The following OPN4 variants were observed in gnomAD, a reference collection of about 807,000 sequenced individuals.
OPN4 encodes melanopsin.
A neutral mutation model predicts 49.5 loss-of-function variants in OPN4; 43 were observed. That is an observed-to-expected ratio of 0.87 (90% confidence interval 0.68 to 1.12). The LOEUF (loss-of-function observed/expected upper bound fraction) is 1.12, where lower values mean the gene tolerates loss of function less well. Among genes scored for constraint, OPN4 ranks in the 50% most tolerant of loss-of-function variants. OPN4 has a pLI of 0.00. For missense variants in OPN4, 657 were observed against 643.9 expected (o/e 1.02, Z -0.22); for synonymous variants, 263 against 258.0 (o/e 1.02, Z -0.19).
chr10:86,661,383 G>C lies in OPN4; in HGVS notation c.1068G>C (p.Lys356Asn). ...NPIIYAITHP[K>N]YRVAIAQHLP... Reference sequence around the variant, plus strand: ...TCATTTACGCCATCACCCACCCCAAGTACAGGTGTGGCTCTTTTCCAGAAC... The same window carrying C: ...TCATTTACGCCATCACCCACCCCAACTACAGGTGTGGCTCTTTTCCAGAAC... The change falls in exon 7 of 10, where the codon AAG (lysine) becomes AAC (asparagine). Residue 356 changes from lysine to asparagine, a missense_variant. By Grantham distance (94) the Lys-to-Asn change is moderately conservative (BLOSUM62 0). Coordinates refer to ENST00000241891, the MANE Select transcript of OPN4 (RefSeq NM_033282.4). 1.2e-6 allele frequency: 2 copies of C among 1,612,784 alleles called. No individual in the cohort carries two copies. Among genetic ancestry groups the C allele is most frequent in the Middle Eastern group, 3.3e-4 (2 of 6,058 alleles).
At chr10:86,662,159 G>A (rs768712809) in intron 7 of OPN4, 93 bp from the exon 8 acceptor site, 121 of 1,093,118 alleles carry the variant, frequency 1.1e-4, no homozygotes, top group Middle Eastern at 9.2e-4. Context: ...CTCGGTCACC[G>A]CACATTAGGC....
At chr10:86,663,566 TG>T in intron 8 of OPN4, 92 bp from the exon 9 acceptor site, 1 of 1,211,488 alleles carries the variant, frequency 8.3e-7, no homozygotes, top group East Asian at 2.8e-5. Flanking sequence ...GAATACCTGT[TG>T]GGAGGATGAA....
At chr10:86,654,977 C>G (rs1843832050) in intron 1 of OPN4, 50 bp downstream of exon 1, 4 of 1,570,772 alleles carry the variant, frequency 2.5e-6, no homozygotes, top group East Asian at 4.5e-5. Flanking sequence ...TGACCCCTTC[C>G]TGGTCCCCTC....
Position 86,654,837 on chromosome 10 carries a change from C to G in OPN4, c.54C>G (p.Ser18Arg). The G allele has an allele frequency of 1.9e-6, 3 of 1,613,582 alleles. No homozygotes were observed. In the South Asian group the frequency reaches 3.3e-5, roughly 18 times the overall value. ...CGCCCAGCCCAACCCAAGAGCCCAG[C>G]TGCATGGCCACCCCAGCACCACCCA... ...RVPPSPTQEP[S>R]CMATPAPPSW... The change falls in exon 1 of 10, where the codon AGC becomes AGG. Residue 18 changes from serine (S) to arginine (R), a missense_variant. By Grantham distance (110) the Ser-to-Arg change is moderately radical. Transcript: ENST00000241891.
At chr10:86,657,462 G>A (rs138922018) in intron 2 of OPN4, among the ~76,000 whole-genome samples, 1 of 152,168 alleles carries the variant, frequency 6.6e-6, no homozygotes, top group Non-Finnish European at 1.5e-5. Flanking sequence ...CAAGCATGAG[G>A]ATTACAGAGA....
At chr10:86,655,069 T>C in intron 1 of OPN4, 142 bp downstream of exon 1, 3 of 801,790 alleles carry the variant, frequency 3.7e-6, no homozygotes, top group African/African-American at 1.7e-5. Context: ...ACTGGACCTC[T>C]CTGAGCCCGC....
intron 9 of OPN4, chr10:86,664,119 G>A (rs1174230891): frequency 7.4e-6 from 2 of 268,792 alleles, no homozygotes; most frequent in African/African-American, 2.2e-5. Flanking sequence ...AGGGTAGGAG[G>A]TCTGCAGCCG....
chr10:86,661,207 G>A, intron 6 of OPN4, 74 bp from the exon 7 acceptor site: 1 of 1,246,150 alleles, frequency 8.0e-7, no homozygotes, highest in Non-Finnish European at 1.2e-6. Context: ...TTGGGCTTTG[G>A]CAGGGCCTGG....
Position 86,656,318 on chromosome 10 carries a change from C to G in OPN4, c.290+18C>G. On this transcript the variant is annotated intron_variant, in intron 2 of 9. Transcript: ENST00000241891. ...TTCTGCAGGTGCCTGGTTGGTGGTGCTGGGCCCAGGGCACTGAGGGTGGCA... is the reference window on the plus strand; with the variant it reads ...TTCTGCAGGTGCCTGGTTGGTGGTGGTGGGCCCAGGGCACTGAGGGTGGCA... 6.3e-7 allele frequency: 1 copy of G among 1,582,324 alleles called. No individual in the cohort carries two copies. The highest frequency in any genetic ancestry group is 8.6e-7 in the Non-Finnish European group (1 of 1,162,960).
Position 86,654,809 on chromosome 10 carries a change from T to TGCCCC in OPN4, c.26_27insGCCCC (p.Ser12ArgfsTer67). The stretch of plus-strand genomic sequence containing the variant: ...ATGAACCCTCCTTCGGGGCCAAGAG[T>TGCCCC]CCCGCCCAGCCCAACCCAAGAGCCC... On this transcript the variant is annotated frameshift_variant, in exon 1 of 10. Transcript: ENST00000241891. LOFTEE classifies it high-confidence loss of function. 1 of 1,554,818 alleles carries TGCCCC rather than the reference T, an allele frequency of 6.4e-7. No individual in the cohort carries two copies. The highest frequency in any genetic ancestry group is 8.9e-7 in the Non-Finnish European group (1 of 1,128,762).
intron 9 of OPN4, among the ~76,000 whole-genome samples, chr10:86,664,676 C>T (rs1046224252): frequency 2.0e-5 from 3 of 152,214 alleles, no homozygotes; most frequent in Non-Finnish European, 4.4e-5. Flanking sequence ...TGCTGTGCCC[C>T]TGTGCATCCA....
chr10:86,656,751 C>A (rs1843876105), intron 2 of OPN4, among the ~76,000 whole-genome samples: 2 of 152,060 alleles, frequency 1.3e-5, no homozygotes, highest in Admixed American at 1.3e-4. Flanking sequence ...CGAGACCAGC[C>A]TGGCCAATGT....
rs994273641 is a variant in OPN4 at position 86,658,086 on chromosome 10, C to T, written c.345C>T (p.Ser115=). The T allele has an allele frequency of 6.8e-6, 11 of 1,613,940 alleles. No individual in the cohort carries two copies. Among genetic ancestry groups the T allele is most frequent in the Middle Eastern group, 1.7e-4 (1 of 6,002 alleles). The change falls in exon 3 of 10, where the codon AGC becomes AGT. Residue 115 remains serine (S), a synonymous_variant. Transcript: ENST00000241891. ...ANMFIINLAV[S]DFLMSFTQAP... is the part of the protein sequence containing the mutation. ...TGTTCATTATCAACCTCGCGGTCAGCGACTTCCTCATGTCCTTCACCCAGG... is the reference window on the plus strand; with the variant it reads ...TGTTCATTATCAACCTCGCGGTCAGTGACTTCCTCATGTCCTTCACCCAGG...
At chr10:86,664,987 G>A (rs997063081) in intron 9 of OPN4, among the ~76,000 whole-genome samples, 4 of 152,212 alleles carry the variant, frequency 2.6e-5, no homozygotes, top group Non-Finnish European at 5.9e-5. Flanking sequence ...AAGTCCCTGA[G>A]GTTCCCCAGG....
At position 86,659,411 on chromosome 10, in the gene OPN4, T is replaced by A; in HGVS notation, c.743T>A (p.Leu248Gln). 1 of 1,614,142 alleles carries A rather than the reference T, an allele frequency of 6.2e-7. No individual in the cohort carries two copies. The highest frequency in any genetic ancestry group is 8.5e-7 in the Non-Finnish European group (1 of 1,180,006). Residue 248 changes from leucine (L) to glutamine (Q), a missense_variant, in exon 5 of 10, where the codon CTG becomes CAG. Transcript: ENST00000241891. ...LLCCFVFFLP[L>Q]LIIIYCYIFI... ...TGCTGCTTCGTGTTCTTCCTCCCTC[T>A]GCTTATCATCATCTACTGCTACATC...
In OPN4 at chr10:86,654,696, A is replaced by G. The variant is rs2132297515; in HGVS notation, c.-88A>G. 1.3e-6 allele frequency: 2 copies of G among 1,532,408 alleles called. No homozygotes were observed. Among genetic ancestry groups the G allele is most frequent in the East Asian group, 2.3e-5 (1 of 43,694 alleles). 94.9% of individuals were successfully genotyped at this position (1,532,408 alleles called of 1,614,324 possible). A position where few individuals can be genotyped will look rare whatever the true frequency, so the allele number is the denominator to read the frequency against. ...AGCAGGGGTGCTGAGGATGGAGGAA[A>G]GTTGGGAGGCTGAGCACAGCTGAAG... is the stretch of plus-strand genomic sequence containing the variant. On this transcript the variant is annotated 5_prime_UTR_variant, in exon 1 of 10. Coordinates refer to ENST00000241891, the MANE Select transcript of OPN4 (RefSeq NM_033282.4).
In OPN4 at chr10:86,665,617, C is replaced by T. The variant is rs1395360688; in HGVS notation, c.1399-96C>T. ...AACCTGGCCCTTCCATGCAACCTCC[C>T]CCACTGCTCGGTGACCCAGTGTGTG... is the stretch of plus-strand genomic sequence containing the variant. On this transcript the variant is annotated intron_variant, in intron 9 of 9. Transcript: ENST00000241891. The T allele has an allele frequency of 6.9e-6, 7 of 1,017,320 alleles. No homozygotes were observed. The East Asian group carries it at 9.6e-5, about 14-fold the overall frequency. The allele number at this position is 1,017,320 out of a possible 1,614,324, so 63.0% of individuals were successfully genotyped here.
chr10:86,663,222 G>A (rs1012400244), intron 8 of OPN4, among the ~76,000 whole-genome samples: 6 of 152,052 alleles, frequency 3.9e-5, no homozygotes, highest in Non-Finnish European at 5.9e-5. Flanking sequence ...CAAGACTGCC[G>A]CCAACTGACC....
rs751478970 is a variant in OPN4 at position 86,658,632 on chromosome 10, G to T, written c.573G>T (p.Leu191=). The T allele has an allele frequency of 1.2e-6, 2 of 1,613,938 alleles. No homozygotes were observed. Among genetic ancestry groups the T allele is most frequent in the Non-Finnish European group, 1.7e-6 (2 of 1,180,056 alleles). ...VASKRRAAFV[L]LGVWLYALAW... ...CCAAGAGGCGTGCGGCATTTGTCCT[G>T]CTGGGCGTTTGGCTCTATGCCCTGG... Residue 191 remains leucine (L), a synonymous_variant, in exon 4 of 10, where the codon CTG becomes CTT. Transcript: ENST00000241891.
Sources: allele counts gnomAD v4.1 joint callset (sites outside exome capture counted in the v4.1 genomes callset), GRCh38; gene constraint gnomAD v4.1.1; transcripts MANE v1.5; gene names NCBI Gene and HGNC (gene_info 2026-07-23, HGNC 2026-07-21).